Variants in TM4SF19 observed in about 807,000 individuals in gnomAD.
TM4SF19 encodes the protein transmembrane 4 L six family member 19.
A neutral mutation model predicts 21.8 loss-of-function variants in TM4SF19; 17 were observed. The ratio of observed to expected loss-of-function variants is 0.78; its 90% CI spans 0.53 to 1.17. The LOEUF is 1.17. TM4SF19 is among the 50% of genes most tolerant of loss of function. TM4SF19 has a pLI of 0.00. For synonymous variants in TM4SF19, 107 were observed against 106.7 expected, an observed-to-expected ratio of 1.00 and a Z score of -0.02; for missense variants, 216 against 252.1, an observed-to-expected ratio of 0.86 and a Z score of 0.97.
chr3:196,327,556 C>G lies in TM4SF19; in HGVS notation c.35G>C (p.Arg12Pro), dbSNP rs772305981. The part of the protein sequence containing the change: ...VSSPCTQASS[R>P]TCSRILGLSL... ...CAGTCCCAGGATACGGGAGCAAGTC[C>G]GTGAGCTTGCCTGCGTGCAGGGAGA... Residue 12 changes from arginine (R) to proline (P), a missense_variant, in exon 2 of 5, where the codon CGG becomes CCG. Transcript: ENST00000273695. The G allele has an allele frequency of 1.9e-6, 3 of 1,613,574 alleles. No individual in the cohort carries two copies. The highest frequency in any genetic ancestry group is 2.5e-6 in the Non-Finnish European group (3 of 1,179,888).
rs898964902 is a variant in TM4SF19 at position 196,325,885 on chromosome 3, A to C, written c.279+1070T>G. 3.3e-5 allele frequency among the ~76,000 whole-genome samples: 5 copies of C among 152,204 alleles called. No homozygotes were observed. In the East Asian group the frequency reaches 9.6e-4, roughly 29 times the overall value. On this transcript the variant is annotated intron_variant, in intron 3 of 4. Coordinates refer to ENST00000273695, the MANE Select transcript of TM4SF19 (RefSeq NM_138461.4). This position sits in a 1 kb window ranked among gnomAD's most constrained non-coding sequence, Gnocchi z 4.3. ...CTCCAGGTGATTCTCATGCACATTC[A>C]AGTGTCAGAACTACGTGCCACGGGG...
At chr3:196,331,998 C>T (rs1054132291) in intron 1 of TM4SF19, among the ~76,000 whole-genome samples, 2 of 151,906 alleles carry the variant, frequency 1.3e-5, no homozygotes, top group South Asian at 2.1e-4. Context: ...AGGCCAGGCA[C>T]GGTGGCTCAC....
At chr3:196,324,104 G>T in intron 4 of TM4SF19, 107 bp from the exon 5 acceptor site, 1 of 1,454,472 alleles carries the variant, frequency 6.9e-7, no homozygotes, top group Non-Finnish European at 9.5e-7. Flanking sequence ...CATGGGACTG[G>T]GCTCATGAGG....
chr3:196,325,625 G>A lies in TM4SF19; in HGVS notation c.280-1185C>T, dbSNP rs886903801. 7 of 152,348 alleles carry A rather than the reference G, an allele frequency of 4.6e-5. No homozygotes were observed. The highest frequency in any genetic ancestry group is 1.7e-4 in the African/African-American group (7 of 41,572). 9.4% of individuals were successfully genotyped at this position (152,348 alleles called of 1,614,324 possible). A position where few individuals can be genotyped will look rare whatever the true frequency, so the allele number is the denominator to read the frequency against. Reference sequence around the variant, plus strand: ...AGTCATGGAGTCATTCTCCCACTGAGGTCAAGCTGGTTTGGAGTTGGGGAG... The same window carrying A: ...AGTCATGGAGTCATTCTCCCACTGAAGTCAAGCTGGTTTGGAGTTGGGGAG... On this transcript the variant is annotated intron_variant, in intron 3 of 4. Transcript: ENST00000273695. This position sits in a 1 kb window ranked among gnomAD's most constrained non-coding sequence, Gnocchi z 4.3.
rs140642509 is a variant in TM4SF19, at chr3:196,323,913, G to A, written c.534C>T (p.Ser178=). 2.9e-5 allele frequency: 46 copies of A among 1,613,960 alleles called. No homozygotes were observed. Among genetic ancestry groups the A allele is most frequent in the South Asian group, 5.5e-5 (5 of 91,076 alleles). ...AAVVWHVSLF[S]ALLCISLLQL... ...GGAGCAGGCTGATGCACAGAAGGGC[G>A]GAGAAGAGGGACACGTGCCAGACAA... Residue 178 remains serine, a synonymous_variant, in exon 5 of 5, where the codon TCC becomes TCT. Transcript: ENST00000273695.
intron 1 of TM4SF19, 24 bp from the exon 2 acceptor site, chr3:196,327,615 G>C (rs758951434): frequency 6.2e-7 from 1 of 1,602,262 alleles, no homozygotes; most frequent in Non-Finnish European, 8.5e-7. Context: ...AAAGGGAGTC[G>C]CAGCAGCTCT....
chr3:196,336,420 G>T (rs1404645139), intron 1 of TM4SF19, among the ~76,000 whole-genome samples: 2 of 152,172 alleles, frequency 1.3e-5, no homozygotes, highest in African/African-American at 4.8e-5. Context: ...TTACAGGTGT[G>T]AGCCACAGCG....
chr3:196,330,956 T>C (rs902713276), intron 1 of TM4SF19, among the ~76,000 whole-genome samples: 5 of 152,222 alleles, frequency 3.3e-5, no homozygotes, highest in Admixed American at 3.3e-4. Flanking sequence ...TTCATTGATA[T>C]GTGAACTTCT....
At chr3:196,337,901 C>G (rs1727838068) in intron 1 of TM4SF19, among the ~76,000 whole-genome samples, 5 of 152,026 alleles carry the variant, frequency 3.3e-5, no homozygotes. Context: ...ATTGAGTTTG[C>G]TGCAGACTCG....
At chr3:196,336,792 T>C (rs1014508072) in intron 1 of TM4SF19, among the ~76,000 whole-genome samples, 4 of 152,184 alleles carry the variant, frequency 2.6e-5, no homozygotes, top group Non-Finnish European at 5.9e-5. Flanking sequence ...GAGCACGTCA[T>C]CGGCTAGATG....
At chr3:196,324,783 A>G (rs1378795442) in intron 3 of TM4SF19, 1 of 220,126 alleles carries the variant, frequency 4.5e-6, no homozygotes, top group East Asian at 1.0e-4. Flanking sequence ...CATTACAGCC[A>G]TTCAGCCTCT....
rs1450519913 is a variant in TM4SF19 at position 196,325,794 on chromosome 3, T to A, written c.279+1161A>T. On this transcript the variant is annotated intron_variant, in intron 3 of 4. Transcript: ENST00000273695. This position sits in a 1 kb window ranked among gnomAD's most constrained non-coding sequence, Gnocchi z 4.3. ...TGAGAACCTGTTAGAAATGCAAAAC[T>A]TCCCCGCCATCCTGAATCAGAAACT... Among the ~76,000 whole-genome samples the A allele has an allele frequency of 6.6e-6, 1 of 152,108 alleles. No homozygotes were observed. The highest frequency in any genetic ancestry group is 1.5e-5 in the Non-Finnish European group (1 of 68,014).
intron 1 of TM4SF19, among the ~76,000 whole-genome samples, chr3:196,336,466 A>T (rs1336489605): frequency 6.6e-6 from 1 of 152,232 alleles, no homozygotes; most frequent in Non-Finnish European, 1.5e-5. Context: ...GAAACTAAAA[A>T]TGATGGACAG....
chr3:196,336,111 T>TG (rs961600105), intron 1 of TM4SF19, among the ~76,000 whole-genome samples: 4 of 151,022 alleles, frequency 2.6e-5, no homozygotes, highest in Non-Finnish European at 5.9e-5. Flanking sequence ...CAGAAAAGTC[T>TG]GTTTTTTTTG....
At chr3:196,330,509 A>G (rs1727466302) in intron 1 of TM4SF19, among the ~76,000 whole-genome samples, 1 of 152,252 alleles carries the variant, frequency 6.6e-6, no homozygotes, top group African/African-American at 2.4e-5. Flanking sequence ...TGTTATCCAT[A>G]CAAATGAGTT....
chr3:196,327,615 G>T (rs758951434), intron 1 of TM4SF19, 24 bp from the exon 2 acceptor site: 9 of 1,602,142 alleles, frequency 5.6e-6, no homozygotes, highest in Non-Finnish European at 7.7e-6. Flanking sequence ...AAAGGGAGTC[G>T]CAGCAGCTCT....
chr3:196,330,888 A>G (rs1254639198), intron 1 of TM4SF19, among the ~76,000 whole-genome samples: 1 of 152,222 alleles, frequency 6.6e-6, no homozygotes, highest in Non-Finnish European at 1.5e-5. Flanking sequence ...TTAAAATGTC[A>G]TATCTAGATA....
In TM4SF19 at chr3:196,324,438, C is replaced by T; in HGVS notation, c.282G>A (p.Val94=). 1.2e-6 allele frequency: 2 copies of T among 1,614,066 alleles called. No homozygotes were observed. The highest frequency in any genetic ancestry group is 1.3e-5 in the African/African-American group (1 of 75,012). ...GGCCACCTGACAACAGAGCAGTAAGCACCTGCGGAGGGAGGAGAAACACTG... is the reference window on the plus strand; with the variant it reads ...GGCCACCTGACAACAGAGCAGTAAGTACCTGCGGAGGGAGGAGAAACACTG... ...CFSKSGLCRS[V]LTALLSGGLA... Residue 94 remains valine (V), a splice_region_variant and synonymous_variant, in exon 4 of 5, where the codon GTG becomes GTA. Coordinates refer to ENST00000273695, the MANE Select transcript of TM4SF19 (RefSeq NM_138461.4).
At chr3:196,324,515 A>G in intron 3 of TM4SF19, 75 bp from the exon 4 acceptor site, 1 of 1,542,856 alleles carries the variant, frequency 6.5e-7, no homozygotes, top group African/African-American at 1.4e-5. Context: ...AGAAACGCTG[A>G]GCTAAGACGG....
Sources: gnomAD v4.1 joint callset for allele counts (sites outside exome capture counted in the v4.1 genomes callset) on GRCh38, gnomAD v4.1.1 for gene constraint, Gnocchi (gnomAD v3.1) non-coding constraint, MANE v1.5 for transcripts, NCBI Gene and HGNC (gene_info 2026-07-23, HGNC 2026-07-21) for gene names.